Variants in FRMPD4 observed in about 807,000 individuals in gnomAD.
FRMPD4 encodes the protein FERM and PDZ domain-containing protein 4.
In FRMPD4, 22 loss-of-function variants were observed where a neutral mutation model predicts 94.1. The observed-to-expected ratio is 0.23, with a 90% CI of 0.17 to 0.33. FRMPD4 has a LOEUF of 0.33. Among genes scored for constraint, FRMPD4 ranks in the 10% least tolerant of loss-of-function variants. The probability of loss-of-function intolerance (pLI) is 1.00; values close to 1 mark genes in which losing one functional copy is unlikely to be tolerated. For synonymous variants in FRMPD4, 631 were observed against 548.6 expected, an observed-to-expected ratio of 1.15 and a Z score of -2.10; for missense variants, 1,111 against 1,339.9, an observed-to-expected ratio of 0.83 and a Z score of 2.67.
intron 2 of FRMPD4, among the ~76,000 whole-genome samples, chrX:12,564,675 G>C (rs1381786791): frequency 1.8e-5 from 2 of 111,848 alleles, no homozygotes; most frequent in Non-Finnish European, 3.8e-5. Flanking sequence ...TAAGGCTCGT[G>C]ATTCCTATTA....
intron 1 of FRMPD4, among the ~76,000 whole-genome samples, chrX:12,425,911 T>G (rs1328260877): frequency 6.2e-5 from 7 of 112,055 alleles, no homozygotes; most frequent in Non-Finnish European, 1.3e-4. Context: ...TGATGAGAAT[T>G]GTGTATGTAA....
intron 1 of FRMPD4, among the ~76,000 whole-genome samples, chrX:12,196,411 C>T (rs1166108448): frequency 9.0e-6 from 1 of 110,834 alleles, no homozygotes; most frequent in Admixed American, 9.7e-5. Context: ...ACAGTAATCA[C>T]ATTAGGGATG....
intron 2 of FRMPD4, among the ~76,000 whole-genome samples, chrX:12,599,170 T>C (rs1454907512): frequency 1.8e-5 from 2 of 111,299 alleles, no homozygotes; most frequent in African/African-American, 6.5e-5. Context: ...CCTCCTCAAC[T>C]ACTGCCCTAA....
At chrX:12,634,902 C>T (rs12840976) in intron 4 of FRMPD4, among the ~76,000 whole-genome samples, 32,640 of 95,975 alleles carry the variant, frequency 0.34, 5,357 homozygotes, top group Non-Finnish European at 0.46. Context: ...GGCACAATCT[C>T]GGCTCACTGC....
At chrX:12,405,618 T>A (rs1957451384) in intron 1 of FRMPD4, among the ~76,000 whole-genome samples, 1 of 111,702 alleles carries the variant, frequency 9.0e-6, no homozygotes, top group South Asian at 3.7e-4. Context: ...CTCATTAATG[T>A]GAAATCAGGA....
chrX:12,104,543 A>G (rs765493383), intron 3 of FRMPD4, among the ~76,000 whole-genome samples: 61 of 112,618 alleles, frequency 5.4e-4, no homozygotes, highest in Admixed American at 1.8e-3. Flanking sequence ...CTTTTAATCC[A>G]TGTCCCATAA....
chrX:12,423,999 A>G (rs967729606), intron 1 of FRMPD4, among the ~76,000 whole-genome samples: 2 of 112,726 alleles, frequency 1.8e-5, no homozygotes, highest in African/African-American at 6.4e-5. Flanking sequence ...AGAAGCTTTC[A>G]AAATAAAACA....
At chrX:12,514,512 G>A (rs753240190) in intron 2 of FRMPD4, among the ~76,000 whole-genome samples, 1 of 112,194 alleles carries the variant, frequency 8.9e-6, no homozygotes, top group Non-Finnish European at 1.9e-5. Context: ...GATGAATTAT[G>A]TTCATTGATT....
At chrX:12,475,810 C>A (rs1161153182) in intron 1 of FRMPD4, among the ~76,000 whole-genome samples, 13 of 111,646 alleles carry the variant, frequency 1.2e-4, no homozygotes, top group Admixed American at 7.6e-4. Context: ...AATGAAATAA[C>A]AGAGGATACA....
At chrX:12,234,133 C>G (rs1218365981) in intron 1 of FRMPD4, among the ~76,000 whole-genome samples, 3 of 111,601 alleles carry the variant, frequency 2.7e-5, no homozygotes, top group Non-Finnish European at 5.6e-5. Flanking sequence ...GCCAGCCAAG[C>G]TAGGCAGAGG....
At chrX:12,479,598 C>T (rs1051520590) in intron 1 of FRMPD4, among the ~76,000 whole-genome samples, 1 of 107,028 alleles carries the variant, frequency 9.3e-6, no homozygotes, top group Non-Finnish European at 1.9e-5. Flanking sequence ...ACCTCCTAAG[C>T]TCAAGCGATC....
Position 12,653,830 on chromosome X carries a change from C to T in FRMPD4, c.423-21033C>T, listed in dbSNP as rs776155447. 1.2e-4 allele frequency among the ~76,000 whole-genome samples: 13 copies of T among 112,101 alleles called. No homozygotes were observed. In the South Asian group the frequency reaches 3.3e-3, roughly 29 times the overall value. On this transcript the variant is annotated intron_variant, in intron 4 of 16. Transcript: ENST00000675598. The stretch of plus-strand genomic sequence containing the variant: ...TTGCCCAGGCTGGGGTGCAATGGCA[C>T]GATCTCGGCTCACAGCAACCCCCAC...
intron 3 of FRMPD4, among the ~76,000 whole-genome samples, chrX:12,021,582 G>A (rs1167466413): frequency 9.0e-6 from 1 of 111,320 alleles, no homozygotes; most frequent in Non-Finnish European, 1.9e-5. Context: ...GGTTCTATTA[G>A]GAAAAGCCTC....
At position 12,145,392 on chromosome X, in the gene FRMPD4, C is replaced by T. The variant is rs187554979; in HGVS notation, c.41+6380C>T. ...GGATATTTGTCTCTTTTGAAGTTCA[C>T]GATCCAAGTCACCGGTCTTTACCCT... is the stretch of plus-strand genomic sequence containing the variant. On this transcript the variant is annotated intron_variant, in intron 1 of 16. Transcript: ENST00000675598. Among the ~76,000 whole-genome samples, 301 of 112,247 alleles carry T rather than the reference C, an allele frequency of 2.7e-3. 2 individuals are homozygous for T. The highest frequency in any genetic ancestry group is 9.2e-3 in the African/African-American group (286 of 30,949).
intron 1 of FRMPD4, among the ~76,000 whole-genome samples, chrX:12,377,211 G>A (rs1468944814): frequency 1.8e-5 from 2 of 112,269 alleles, no homozygotes; most frequent in African/African-American, 3.2e-5. Context: ...AGAAAGTTGG[G>A]GCAATTTTAA....
chrX:12,542,307 T>C (rs896623268), intron 2 of FRMPD4, among the ~76,000 whole-genome samples: 3 of 112,183 alleles, frequency 2.7e-5, no homozygotes, highest in African/African-American at 9.7e-5. Flanking sequence ...TTGTCCCTGT[T>C]TGCAGATTAC....
At chrX:12,162,294 A>G (rs750855231) in intron 1 of FRMPD4, among the ~76,000 whole-genome samples, 1 of 112,429 alleles carries the variant, frequency 8.9e-6, no homozygotes, top group Non-Finnish European at 1.9e-5. Context: ...CCACTCAATT[A>G]ATTGAGATGG....
chrX:12,483,603 A>C (rs1402114394), intron 1 of FRMPD4, among the ~76,000 whole-genome samples: 1 of 111,833 alleles, frequency 8.9e-6, no homozygotes, highest in Non-Finnish European at 1.9e-5. Flanking sequence ...CTAATCCTTC[A>C]TGAAACCATG....
chrX:12,293,515 T>C (rs1333644513), intron 1 of FRMPD4, among the ~76,000 whole-genome samples: 2 of 112,655 alleles, frequency 1.8e-5, no homozygotes, highest in Non-Finnish European at 3.8e-5. Context: ...GCGGCCACTG[T>C]TGTACAACAA....
Sources: gnomAD v4.1 joint callset for allele counts (sites outside exome capture counted in the v4.1 genomes callset) on GRCh38, gnomAD v4.1.1 for gene constraint, MANE v1.5 for transcripts, NCBI Gene and HGNC (gene_info 2026-07-23, HGNC 2026-07-21) for gene names.